ADGRL2: variants seen among roughly 807,000 people sequenced by gnomAD.
ADGRL2 encodes the protein adhesion G protein-coupled receptor L2.
ADGRL2 carries 44 observed loss-of-function variants against 157.4 expected under a neutral mutation model. The observed-to-expected ratio is 0.28, with a 90% CI of 0.22 to 0.36. The LOEUF (loss-of-function observed/expected upper bound fraction) is 0.36, where lower values mean the gene tolerates loss of function less well. ADGRL2 is among the 10% of genes least tolerant of loss of function. The pLI is 1.00. For missense variants in ADGRL2, 1,510 were observed against 1,768.9 expected (o/e 0.85, Z 2.63); for synonymous variants, 585 against 624.7 (o/e 0.94, Z 0.95).
intron 1 of ADGRL2, among the ~76,000 whole-genome samples, chr1:81,372,660 C>T (rs191798609): frequency 9.1e-4 from 139 of 152,116 alleles, no homozygotes; most frequent in African/African-American, 2.6e-3. Flanking sequence ...TGTTAAAGTA[C>T]GAATTTTCTG....
chr1:81,537,228 G>A (rs1460127408), intron 2 of ADGRL2, among the ~76,000 whole-genome samples: 1 of 152,094 alleles, frequency 6.6e-6, no homozygotes, highest in East Asian at 1.9e-4. Context: ...ACATACATCT[G>A]TGCCTTTTAA....
chr1:81,787,018 T>C (rs1481831574), intron 2 of ADGRL2, among the ~76,000 whole-genome samples: 2 of 152,076 alleles, frequency 1.3e-5, no homozygotes, highest in Non-Finnish European at 2.9e-5. Flanking sequence ...GTTCTCGTGG[T>C]AGTGAATAAG....
rs1440632365 is a variant in ADGRL2 at position 81,543,933 on chromosome 1, C to T, written c.-247-36943C>T. 2.0e-5 allele frequency among the ~76,000 whole-genome samples: 3 copies of T among 152,104 alleles called. No homozygotes were observed. The South Asian group carries it at 6.2e-4, about 32-fold the overall frequency. Reference sequence around the variant, plus strand: ...TGCTTCCATTAAAGCCTATTTACACCGGGTGTTCTGTCTGCTTGGCAGAGC... The same window carrying T: ...TGCTTCCATTAAAGCCTATTTACACTGGGTGTTCTGTCTGCTTGGCAGAGC... On this transcript the variant is annotated intron_variant, in intron 2 of 24. Coordinates refer to the ADGRL2 transcript ENST00000370721.
chr1:81,544,140 CA>C (rs1210209900), intron 2 of ADGRL2, among the ~76,000 whole-genome samples: 1 of 152,096 alleles, frequency 6.6e-6, no homozygotes, highest in African/African-American at 2.4e-5. Context: ...CTGCATTTAT[CA>C]TCTATGACCA....
intron 2 of ADGRL2, among the ~76,000 whole-genome samples, chr1:81,472,488 G>A (rs747435088): frequency 2.0e-5 from 3 of 152,114 alleles, no homozygotes; most frequent in South Asian, 2.1e-4. Context: ...AAAATTAGCC[G>A]GGGGTGGTGG....
intron 1 of ADGRL2, among the ~76,000 whole-genome samples, chr1:81,322,109 T>TATATATATATATATATATATAC (rs71592379): frequency 6.2e-5 from 8 of 129,850 alleles, no homozygotes; most frequent in African/African-American, 2.3e-4. Context: ...TATATATATA[T>TATATATATATATATATATATAC]ACACATATAT....
At chr1:81,684,057 C>T (rs1198521534) in intron 3 of ADGRL2, among the ~76,000 whole-genome samples, 3 of 152,096 alleles carry the variant, frequency 2.0e-5, no homozygotes, top group Admixed American at 6.5e-5. Context: ...CCTCGTGATC[C>T]GCCTGCCTCA....
At position 81,343,087 on chromosome 1, in the gene ADGRL2, C is replaced by CTTTT. The variant is rs764039251; in HGVS notation, c.-302+36579_-302+36582dup. 1.2e-3 allele frequency among the ~76,000 whole-genome samples: 148 copies of CTTTT among 127,474 alleles called. 13 individuals carry two copies. Among genetic ancestry groups the CTTTT allele is most frequent in the African/African-American group, 3.6e-3 (122 of 34,064 alleles). The allele number at this position is 127,474 out of a possible 152,430, so 83.6% of individuals were successfully genotyped here. A position where few individuals can be genotyped will look rare whatever the true frequency, so the allele number is the denominator to read the frequency against. ...TTTTTCTTTTCTTTTTTTCTTTTTT[C>CTTTT]TTTTCTTTTTTTTTTTTTTGAGACA... On this transcript the variant is annotated intron_variant, in intron 1 of 24. Transcript: ENST00000370721.
At chr1:81,881,431 A>T (rs2093984773) in intron 2 of ADGRL2, among the ~76,000 whole-genome samples, 1 of 152,262 alleles carries the variant, frequency 6.6e-6, no homozygotes, top group Non-Finnish European at 1.5e-5. Context: ...CAGCCTCGGC[A>T]TCCCAAAGTG....
At chr1:81,987,221 TG>T in intron 22 of ADGRL2, 192 bp downstream of exon 22, 1 of 1,383,802 alleles carries the variant, frequency 7.2e-7, no homozygotes. Context: ...AGCTCAGTCA[TG>T]ATAGTATTTA....
chr1:81,939,145 A>G (rs1236942697), intron 4 of ADGRL2, among the ~76,000 whole-genome samples: 1 of 151,628 alleles, frequency 6.6e-6, no homozygotes, highest in Non-Finnish European at 1.5e-5. Context: ...TGAAAATTTT[A>G]AAAGAAATTT....
intron 1 of ADGRL2, among the ~76,000 whole-genome samples, chr1:81,394,211 C>A (rs919706414): frequency 6.6e-6 from 1 of 152,054 alleles, no homozygotes; most frequent in South Asian, 2.1e-4. Flanking sequence ...TAGATTCTGA[C>A]TAATTGACAA....
At chr1:81,971,976 A>T in intron 17 of ADGRL2, 58 bp downstream of exon 17, 2 of 1,093,640 alleles carry the variant, frequency 1.8e-6, no homozygotes, top group African/African-American at 3.3e-5. Context: ...GTGCTATTCA[A>T]ACAAGGATAA....
Position 81,981,814 on chromosome 1 carries a change from G to C in ADGRL2, c.3120G>C (p.Trp1040Cys), listed in dbSNP as rs1278333871. 6.2e-7 allele frequency: 1 copy of C among 1,604,740 alleles called. No homozygotes were observed. Among genetic ancestry groups the C allele is most frequent in the East Asian group, 2.2e-5 (1 of 44,786 alleles). Reference sequence around the variant, plus strand: ...GTTCACTTTATTTTTCCAGGTCTTGGGTGCTTGGCGCTTTCGCTCTTCTGT... The same window carrying C: ...GTTCACTTTATTTTTCCAGGTCTTGCGTGCTTGGCGCTTTCGCTCTTCTGT... ...DSSRLENIKS[W>C]VLGAFALLCL... Residue 1040 changes from tryptophan (W) to cysteine (C), a missense_variant, in exon 19 of 24, where the codon TGG (tryptophan) becomes TGC (cysteine). By Grantham distance (215) the Trp-to-Cys change is radical. This residue lies in a region of ADGRL2 where 497 missense variants were observed against 627.2 expected (regional missense o/e 0.79). Coordinates refer to ENST00000686636, the MANE Select transcript of ADGRL2 (RefSeq NM_001366006.2).
At chr1:81,557,525 G>GAAAGAAAGAA (rs1365888044) in intron 2 of ADGRL2, 39 of 148,814 alleles carry the variant, frequency 2.6e-4, no homozygotes, top group South Asian at 6.3e-4. Context: ...AAGAAAGAAA[G>GAAAGAAAGAA]AGAAGAAAGA....
chr1:81,355,014 T>C (rs1167791155), intron 1 of ADGRL2, among the ~76,000 whole-genome samples: 1 of 152,212 alleles, frequency 6.6e-6, no homozygotes, highest in Non-Finnish European at 1.5e-5. Flanking sequence ...GTGCCAGGCA[T>C]TCAGTTACTC....
At chr1:81,720,786 A>C (rs9730325) in intron 1 of ADGRL2, among the ~76,000 whole-genome samples, 12,739 of 151,798 alleles carry the variant, frequency 0.084, 716 homozygotes, top group South Asian at 0.15. Flanking sequence ...GTAAGAAAAT[A>C]TTATATAACA....
intron 3 of ADGRL2, among the ~76,000 whole-genome samples, chr1:81,667,812 T>G (rs1187607729): frequency 6.6e-6 from 1 of 152,092 alleles, no homozygotes; most frequent in Admixed American, 6.5e-5. Context: ...AAATTATAAG[T>G]TAATGTCCAA....
chr1:81,683,624 A>G (rs2083164854), intron 3 of ADGRL2, among the ~76,000 whole-genome samples: 1 of 151,896 alleles, frequency 6.6e-6, no homozygotes, highest in Non-Finnish European at 1.5e-5. Flanking sequence ...ACTGTTAATT[A>G]ATTCCTTTTA....
Sources: allele counts gnomAD v4.1 joint callset (sites outside exome capture counted in the v4.1 genomes callset), GRCh38; gene constraint gnomAD v4.1.1; regional missense constraint gnomAD v4.1.1; transcripts MANE v1.5; gene names NCBI Gene and HGNC (gene_info 2026-07-23, HGNC 2026-07-21).